DLG2: variants seen among roughly 807,000 people sequenced by gnomAD.
DLG2 encodes disks large homolog 2.
A neutral mutation model predicts 132.5 loss-of-function variants in DLG2; 45 were observed. The ratio of observed to expected loss-of-function variants is 0.34; its 90% CI spans 0.27 to 0.44. The LOEUF is 0.44. DLG2 is among the 20% of genes least tolerant of loss of function. The probability of loss-of-function intolerance (pLI) is 1.00; values close to 1 mark genes in which losing one functional copy is unlikely to be tolerated. For missense variants in DLG2, 1,045 were observed against 1,196.9 expected, an observed-to-expected ratio of 0.87 and a Z score of 1.87; for synonymous variants, 424 against 419.6, an observed-to-expected ratio of 1.01 and a Z score of -0.13.
chr11:85,369,063 CAA>C (rs1339430566), intron 3 of DLG2, among the ~76,000 whole-genome samples: 2 of 152,236 alleles, frequency 1.3e-5, no homozygotes, highest in East Asian at 3.9e-4. Flanking sequence ...AATGGGGACT[CAA>C]AATCTCTCAC....
rs527354448 is a variant in DLG2, at chr11:85,409,494, C to G, written c.41-124129G>C. Among the ~76,000 whole-genome samples, 17 of 151,808 alleles carry G rather than the reference C, an allele frequency of 1.1e-4. No individual in the cohort carries two copies. In the East Asian group the frequency reaches 3.1e-3, roughly 28 times the overall value. On this transcript the variant is annotated intron_variant, in intron 3 of 27. Transcript: ENST00000376104. ...GGTCAGGAGTATCATATAATAATTG[C>G]TATTATTAAAGGAGAAAAAAATGGA...
intron 3 of DLG2, among the ~76,000 whole-genome samples, chr11:85,342,230 A>C (rs1419948501): frequency 6.6e-6 from 1 of 152,214 alleles, no homozygotes; most frequent in Non-Finnish European, 1.5e-5. Flanking sequence ...CACTTAGCTT[A>C]AAATGCAAAC....
chr11:84,881,542 G>C (rs2087340736), intron 6 of DLG2, among the ~76,000 whole-genome samples: 1 of 152,110 alleles, frequency 6.6e-6, no homozygotes, highest in Non-Finnish European at 1.5e-5. Flanking sequence ...GGGTGCTACT[G>C]ACATTTGGGG....
chr11:84,775,973 T>C (rs1176204276), intron 6 of DLG2, among the ~76,000 whole-genome samples: 2 of 152,220 alleles, frequency 1.3e-5, no homozygotes, highest in African/African-American at 4.8e-5. Flanking sequence ...CGAAGAGCTC[T>C]TTTGTTTGTT....
chr11:83,530,592 T>G (rs2140998034), intron 21 of DLG2, among the ~76,000 whole-genome samples: 1 of 152,092 alleles, frequency 6.6e-6, no homozygotes, highest in South Asian at 2.1e-4. Context: ...CAGTATTATC[T>G]CTTCAAAGAA....
intron 9 of DLG2, among the ~76,000 whole-genome samples, chr11:84,115,319 A>G (rs1319525779): frequency 6.6e-6 from 1 of 152,134 alleles, no homozygotes; most frequent in East Asian, 1.9e-4. Flanking sequence ...AAAAAGAAAT[A>G]TTTTCTGGAA....
At chr11:84,571,371 C>T (rs2099484250) in intron 6 of DLG2, among the ~76,000 whole-genome samples, 1 of 151,756 alleles carries the variant, frequency 6.6e-6, no homozygotes, top group African/African-American at 2.4e-5. Context: ...GCCTCTTCTT[C>T]CTCCTCCTCC....
rs142354539 is a variant in DLG2 at position 85,522,108 on chromosome 11, G to A, written c.40+76549C>T. 5.3e-3 allele frequency among the ~76,000 whole-genome samples: 810 copies of A among 152,258 alleles called. 9 individuals are homozygous for A. The highest frequency in any genetic ancestry group is 0.018 in the African/African-American group (752 of 41,536). On this transcript the variant is annotated intron_variant, in intron 3 of 27. Coordinates refer to ENST00000376104, the MANE Select transcript of DLG2 (RefSeq NM_001142699.3). Reference sequence around the variant, plus strand: ...CCCCAAGGCCTAGGAAGGAAAAATTGTTTCCTGGGTTGGGTCCAGGGCCCT... The same window carrying A: ...CCCCAAGGCCTAGGAAGGAAAAATTATTTCCTGGGTTGGGTCCAGGGCCCT...
chr11:83,932,892 G>A (rs372524697), intron 14 of DLG2, among the ~76,000 whole-genome samples: 2 of 152,058 alleles, frequency 1.3e-5, no homozygotes, highest in African/African-American at 4.8e-5. Flanking sequence ...TAGCATGTGC[G>A]CATGGTTCAT....
At chr11:84,696,241 G>A (rs914108208) in intron 6 of DLG2, among the ~76,000 whole-genome samples, 1 of 151,452 alleles carries the variant, frequency 6.6e-6, no homozygotes, top group Non-Finnish European at 1.5e-5. Flanking sequence ...CTGAATCATG[G>A]TTTTTGACCC....
chr11:83,953,754 T>A (rs2086092745), intron 14 of DLG2, among the ~76,000 whole-genome samples: 1 of 152,170 alleles, frequency 6.6e-6, no homozygotes, highest in Non-Finnish European at 1.5e-5. Context: ...TTTTCTTGAG[T>A]CACAGTATAA....
intron 3 of DLG2, among the ~76,000 whole-genome samples, chr11:85,466,990 C>A (rs1275079027): frequency 6.6e-6 from 1 of 152,146 alleles, no homozygotes; most frequent in Non-Finnish European, 1.5e-5. Flanking sequence ...TTTCCTTGAG[C>A]AGTGGTTTGT....
chr11:85,164,077 G>C (rs2078243325), intron 4 of DLG2, among the ~76,000 whole-genome samples: 1 of 152,064 alleles, frequency 6.6e-6, no homozygotes, highest in South Asian at 2.1e-4. Context: ...AAAGGTGAGG[G>C]GAAGAAATGT....
At chr11:84,315,714 G>A (rs1320352533) in intron 7 of DLG2, among the ~76,000 whole-genome samples, 2 of 152,050 alleles carry the variant, frequency 1.3e-5, no homozygotes, top group Non-Finnish European at 2.9e-5. Flanking sequence ...TCTAAGCAAA[G>A]CTTATAATTC....
At chr11:83,544,469 G>A (rs1452489468) in intron 19 of DLG2, among the ~76,000 whole-genome samples, 1 of 152,090 alleles carries the variant, frequency 6.6e-6, no homozygotes, top group South Asian at 2.1e-4. Context: ...AAAGATGAGG[G>A]ACAGATCTAG....
At chr11:84,199,577 T>C (rs1157409320) in intron 8 of DLG2, among the ~76,000 whole-genome samples, 1 of 151,872 alleles carries the variant, frequency 6.6e-6, no homozygotes, top group Non-Finnish European at 1.5e-5. Flanking sequence ...GAAGAACAAA[T>C]AGGAATCTTG....
rs538952798 is a variant in DLG2, at chr11:85,195,614, C to G, written c.187-40963G>C. Among the ~76,000 whole-genome samples the G allele has an allele frequency of 2.9e-3, 434 of 151,034 alleles. 2 individuals carry two copies. Among genetic ancestry groups the G allele is most frequent in the African/African-American group, 0.01 (426 of 41,132 alleles). ...TCTCGGCTCACTGCAAGCTCCGCCT[C>G]CAGGGTTCACGTCATTCTCCTGCCT... is the stretch of plus-strand genomic sequence containing the variant. On this transcript the variant is annotated intron_variant, in intron 4 of 27. Transcript: ENST00000376104.
intron 9 of DLG2, among the ~76,000 whole-genome samples, chr11:84,124,252 G>A (rs1000491686): frequency 6.6e-6 from 1 of 152,130 alleles, no homozygotes; most frequent in African/African-American, 2.4e-5. Flanking sequence ...ATCCAAGAAA[G>A]CTCTGGAGAG....
chr11:83,477,792 G>T (rs1459867859), intron 22 of DLG2, among the ~76,000 whole-genome samples: 1 of 151,842 alleles, frequency 6.6e-6, no homozygotes, highest in African/African-American at 2.4e-5. Context: ...TACAGCAAAA[G>T]CCAGGAATGC....
Sources: allele counts gnomAD v4.1 joint callset (sites outside exome capture counted in the v4.1 genomes callset), GRCh38; gene constraint gnomAD v4.1.1; transcripts MANE v1.5; gene names NCBI Gene and HGNC (gene_info 2026-07-23, HGNC 2026-07-21).